CACNA2D4: variants seen among roughly 807,000 people sequenced by gnomAD.
CACNA2D4 encodes calcium voltage-gated channel auxiliary subunit alpha2delta 4, also known as voltage-dependent calcium channel subunit alpha-2/delta-4.
CACNA2D4 carries 157 observed loss-of-function variants against 163.8 expected under a neutral mutation model. That is an observed-to-expected ratio of 0.96 (90% confidence interval 0.84 to 1.09). The LOEUF (loss-of-function observed/expected upper bound fraction) is 1.09. Ranked by LOEUF, CACNA2D4 falls within the 50% of genes least tolerant of loss-of-function variation. The probability of loss-of-function intolerance (pLI) is 0.00; values close to 1 mark genes in which losing one functional copy is unlikely to be tolerated. For synonymous variants in CACNA2D4, 598 were observed against 586.9 expected (o/e 1.02, Z -0.27); for missense variants, 1,410 against 1,479.9 (o/e 0.95, Z 0.78).
chr12:1,842,180 C>A (rs184727198), intron 25 of CACNA2D4, among the ~76,000 whole-genome samples: 1 of 152,318 alleles, frequency 6.6e-6, no homozygotes, highest in East Asian at 1.9e-4. Context: ...CCTGGCCCAG[C>A]ACCTGGTGGG....
At chr12:1,901,167 CA>C (rs1364978496) in intron 6 of CACNA2D4, among the ~76,000 whole-genome samples, 1 of 152,010 alleles carries the variant, frequency 6.6e-6, no homozygotes, top group Non-Finnish European at 1.5e-5. Flanking sequence ...AATGGAAACA[CA>C]ACATACTAAA....
At position 1,801,081 on chromosome 12, in the gene CACNA2D4, A is replaced by C. The variant is rs751860216; in HGVS notation, c.2830T>G (p.Ser944Ala). ...MYDYQAMCKP[S>A]SHHHSAAQPL... ...TGGGCTGCACTGTGGTGGTGACTCG[A>C]GGGTTTGCACATGGCCTGATAGTCA... Residue 944 changes from serine to alanine, a missense_variant, in exon 31 of 38, where the codon TCG (serine) becomes GCG (alanine). Physicochemically the swap from Ser to Ala is moderately conservative, Grantham distance 99 (BLOSUM62 1). Coordinates refer to ENST00000382722, the MANE Select transcript of CACNA2D4 (RefSeq NM_172364.5). 3 of 1,613,756 alleles carry C rather than the reference A, an allele frequency of 1.9e-6. No individual in the cohort carries two copies. Among genetic ancestry groups the C allele is most frequent in the Non-Finnish European group, 2.5e-6 (3 of 1,179,862 alleles).
chr12:1,815,196 T>C lies in CACNA2D4; in HGVS notation c.2552-3473A>G, dbSNP rs551727077. ...CGTGAGTCATTATGCCTGGTCCCCA[T>C]TGATCTTAAAATCTAAACTTGCAAG... On this transcript the variant is annotated intron_variant, in intron 26 of 37. Transcript: ENST00000382722. Among the ~76,000 whole-genome samples the C allele has an allele frequency of 3.9e-5, 6 of 152,352 alleles. No homozygotes were observed. In the South Asian group the frequency reaches 6.2e-4, roughly 16 times the overall value.
chr12:1,900,046 T>A (rs1216293001), intron 6 of CACNA2D4, among the ~76,000 whole-genome samples: 1 of 152,150 alleles, frequency 6.6e-6, no homozygotes, highest in Non-Finnish European at 1.5e-5. Flanking sequence ...TAATAACATA[T>A]AAAGAAATGC....
chr12:1,800,239 T>C, intron 32 of CACNA2D4, 147 bp downstream of exon 32: 2 of 981,442 alleles, frequency 2.0e-6, no homozygotes, highest in Non-Finnish European at 3.1e-6. Flanking sequence ...AGAGGTGGCG[T>C]CCATGCCCAG....
At chr12:1,851,787 T>C (rs1037351155) in intron 23 of CACNA2D4, among the ~76,000 whole-genome samples, 4 of 151,894 alleles carry the variant, frequency 2.6e-5, no homozygotes, top group South Asian at 2.1e-4. Context: ...GGTGTTTTCA[T>C]TGGGGTTAAC....
chr12:1,871,456 G>T (rs1360806178), intron 18 of CACNA2D4, among the ~76,000 whole-genome samples: 4 of 151,318 alleles, frequency 2.6e-5, no homozygotes, highest in African/African-American at 9.8e-5. Context: ...TTGCTGGTGT[G>T]TGTGTACACG....
chr12:1,837,664 C>T (rs146701386), intron 26 of CACNA2D4, among the ~76,000 whole-genome samples: 2,704 of 152,246 alleles, frequency 0.018, 34 homozygotes, highest in Non-Finnish European at 0.027. Flanking sequence ...CCATCAGGGT[C>T]CCCCGGGAGT....
At chr12:1,804,185 C>A (rs1426642188) in intron 29 of CACNA2D4, among the ~76,000 whole-genome samples, 1 of 150,916 alleles carries the variant, frequency 6.6e-6, no homozygotes, top group Non-Finnish European at 1.5e-5. Flanking sequence ...ACCCCCTCAC[C>A]TGACAGCAGG....
chr12:1,804,587 A>G (rs1409446110), intron 29 of CACNA2D4, among the ~76,000 whole-genome samples: 1 of 152,244 alleles, frequency 6.6e-6, no homozygotes, highest in Non-Finnish European at 1.5e-5. Flanking sequence ...CGTCTTCTTT[A>G]GTTAGGCAGC....
At chr12:1,895,931 G>A (rs1866391391) in intron 6 of CACNA2D4, among the ~76,000 whole-genome samples, 1 of 152,028 alleles carries the variant, frequency 6.6e-6, no homozygotes, top group African/African-American at 2.4e-5. Context: ...GAGCCACCAT[G>A]CCTGGCCTCA....
chr12:1,867,758 A>G (rs201629910), intron 18 of CACNA2D4, among the ~76,000 whole-genome samples: 1 of 150,754 alleles, frequency 6.6e-6, no homozygotes, highest in African/African-American at 2.5e-5. Context: ...CAAAAAAACC[A>G]AAAAACAACA....
rs774198585 is a variant in CACNA2D4 at position 1,886,389 on chromosome 12, G to C, written c.843-16C>G. 2 of 1,610,994 alleles carry C rather than the reference G, an allele frequency of 1.2e-6. No homozygotes were observed. The highest frequency in any genetic ancestry group is 8.5e-7 in the Non-Finnish European group (1 of 1,178,038). ...TTGAATGTACCTGAAGGAAGAAAGG[G>C]ACATGCCCAAGATGGGAAAACCAAA... is the stretch of plus-strand genomic sequence containing the variant. On this transcript the variant is annotated splice_polypyrimidine_tract_variant and intron_variant, in intron 7 of 37. Transcript: ENST00000382722.
At chr12:1,907,177 C>G (rs1171507429) in intron 6 of CACNA2D4, among the ~76,000 whole-genome samples, 1 of 152,234 alleles carries the variant, frequency 6.6e-6, no homozygotes, top group African/African-American at 2.4e-5. Flanking sequence ...TTTCATGGGA[C>G]AGGAGCTTCA....
chr12:1,893,585 C>G (rs1015807237), intron 6 of CACNA2D4, among the ~76,000 whole-genome samples: 6 of 151,934 alleles, frequency 3.9e-5, no homozygotes, highest in Non-Finnish European at 5.9e-5. Context: ...TAGAATAAAA[C>G]TAGAAATCAA....
rs1864507967 is a variant in CACNA2D4 at position 1,829,218 on chromosome 12, A to G, written c.2551+11521T>C. On this transcript the variant is annotated intron_variant, in intron 26 of 37. Coordinates refer to ENST00000382722, the MANE Select transcript of CACNA2D4 (RefSeq NM_172364.5). The surrounding 1 kb of genome is among the most constrained non-coding windows in gnomAD (Gnocchi z 4.2). ...GCAGCGGCTCTCTTAGCCTGCTGTC[A>G]GGCCCTTCTCTGGGAGGGGCGAGCG... 6.6e-6 allele frequency among the ~76,000 whole-genome samples: 1 copy of G among 152,190 alleles called. No homozygotes were observed. Among genetic ancestry groups the G allele is most frequent in the Non-Finnish European group, 1.5e-5 (1 of 68,036 alleles).
chr12:1,794,966 T>G (rs1192519343), intron 37 of CACNA2D4: 1 of 471,268 alleles, frequency 2.1e-6, no homozygotes, highest in Admixed American at 3.6e-5. Flanking sequence ...CATACAAAGA[T>G]ACCTCTATCA....
chr12:1,861,307 C>A (rs1865520166), intron 18 of CACNA2D4, among the ~76,000 whole-genome samples: 1 of 152,222 alleles, frequency 6.6e-6, no homozygotes, highest in Non-Finnish European at 1.5e-5. Context: ...TCTGCCCAGT[C>A]AGACCCTCTC....
intron 29 of CACNA2D4, among the ~76,000 whole-genome samples, chr12:1,807,547 C>T (rs144715474): frequency 1.1e-3 from 162 of 152,148 alleles, no homozygotes; most frequent in Middle Eastern, 3.4e-3. Flanking sequence ...GACAGAGGGT[C>T]GGACAGCTGA....
Sources: gnomAD v4.1 joint callset for allele counts (sites outside exome capture counted in the v4.1 genomes callset) on GRCh38, gnomAD v4.1.1 for gene constraint, Gnocchi (gnomAD v3.1) non-coding constraint, MANE v1.5 for transcripts, NCBI Gene and HGNC (gene_info 2026-07-23, HGNC 2026-07-21) for gene names.